The following PLPPR5 variants were observed in gnomAD, a reference collection of about 807,000 sequenced individuals.
PLPPR5 encodes the protein phospholipid phosphatase-related protein type 5.
A neutral mutation model predicts 33.9 loss-of-function variants in PLPPR5; 16 were observed. The ratio of observed to expected loss-of-function variants is 0.47; its 90% CI spans 0.32 to 0.72. The LOEUF is 0.72. Among genes scored for constraint, PLPPR5 ranks in the 30% least tolerant of loss-of-function variants. The pLI, the probability that PLPPR5 is intolerant of heterozygous loss-of-function variation, is 0.03. For synonymous variants in PLPPR5, 163 were observed against 150.3 expected (o/e 1.08, Z -0.62); for missense variants, 301 against 406.7 (o/e 0.74, Z 2.23).
intron 1 of PLPPR5, among the ~76,000 whole-genome samples, chr1:98,976,306 A>C (rs1191479601): frequency 6.6e-6 from 1 of 152,042 alleles, no homozygotes; most frequent in African/African-American, 2.4e-5. Context: ...AAATGTTCTA[A>C]TATTTTCACA....
chr1:98,895,520 TA>T (rs1365222312), intron 5 of PLPPR5, among the ~76,000 whole-genome samples: 11 of 152,030 alleles, frequency 7.2e-5, no homozygotes, highest in African/African-American at 2.7e-4. Context: ...TCTTGGCATT[TA>T]AAATCACATG....
intron 1 of PLPPR5, among the ~76,000 whole-genome samples, chr1:99,003,739 G>A (rs1652955383): frequency 6.6e-6 from 1 of 152,206 alleles, no homozygotes; most frequent in African/African-American, 2.4e-5. Flanking sequence ...GAGGTTCTAA[G>A]AGAAAAGGAC....
chr1:98,958,949 T>A (rs1651125260), intron 1 of PLPPR5, among the ~76,000 whole-genome samples: 2 of 152,186 alleles, frequency 1.3e-5, no homozygotes, highest in African/African-American at 4.8e-5. Context: ...CCCCAACCCA[T>A]GGTACACTGC....
intron 3 of PLPPR5, among the ~76,000 whole-genome samples, chr1:98,942,525 C>G (rs1393427208): frequency 6.6e-6 from 1 of 152,192 alleles, no homozygotes; most frequent in Non-Finnish European, 1.5e-5. Flanking sequence ...GTAAATTTCT[C>G]TAATCTCTAT....
At chr1:98,984,176 T>C (rs1324836111) in intron 1 of PLPPR5, among the ~76,000 whole-genome samples, 2 of 151,940 alleles carry the variant, frequency 1.3e-5, no homozygotes, top group East Asian at 3.9e-4. Flanking sequence ...ATAAGACTAT[T>C]ATGTTAGGAT....
intron 4 of PLPPR5, among the ~76,000 whole-genome samples, chr1:98,915,836 G>C (rs1216766923): frequency 6.6e-6 from 1 of 152,114 alleles, no homozygotes. Flanking sequence ...TCTAATGCAG[G>C]TGAATCATAT....
chr1:98,961,709 T>A (rs561002509), intron 1 of PLPPR5, among the ~76,000 whole-genome samples: 1 of 152,228 alleles, frequency 6.6e-6, no homozygotes, highest in African/African-American at 2.4e-5. Flanking sequence ...TTATGGCTAA[T>A]TTAATACCAG....
upstream of PLPPR5, among the ~76,000 whole-genome samples, chr1:99,005,306 G>T (rs1193747918): frequency 2.6e-5 from 4 of 152,136 alleles, no homozygotes; most frequent in Admixed American, 2.0e-4. Context: ...CCACCAAGGC[G>T]CAAAGTGCCG....
chr1:98,990,275 A>G (rs1652407074), intron 1 of PLPPR5, among the ~76,000 whole-genome samples: 1 of 152,130 alleles, frequency 6.6e-6, no homozygotes, highest in Non-Finnish European at 1.5e-5. Context: ...AGGCTGAGGC[A>G]GGAGAATCGC....
intron 1 of PLPPR5, among the ~76,000 whole-genome samples, chr1:98,984,157 C>T (rs1456014208): frequency 6.6e-6 from 1 of 151,898 alleles, no homozygotes; most frequent in African/African-American, 2.4e-5. Flanking sequence ...AGCAGCCTGG[C>T]AACAGAAAAT....
At chr1:98,955,375 G>C (rs1650965310) in intron 2 of PLPPR5, among the ~76,000 whole-genome samples, 1 of 152,040 alleles carries the variant, frequency 6.6e-6, no homozygotes, top group Non-Finnish European at 1.5e-5. Context: ...ATTTAGGAAA[G>C]CATCAATTTC....
intron 1 of PLPPR5, among the ~76,000 whole-genome samples, chr1:98,997,217 T>G (rs1460841850): frequency 6.6e-6 from 1 of 152,168 alleles, no homozygotes; most frequent in Admixed American, 6.6e-5. Flanking sequence ...AGGTATCAGG[T>G]TAAGTATTAT....
At position 98,891,740 on chromosome 1, in the gene PLPPR5, A is replaced by G. The variant is rs1050616693; in HGVS notation, c.*1332T>C. The G allele has an allele frequency of 1.3e-5, 2 of 152,112 alleles. No homozygotes were observed. Among genetic ancestry groups the G allele is most frequent in the African/African-American group, 4.8e-5 (2 of 41,430 alleles). 9.4% of individuals were successfully genotyped at this position (152,112 alleles called of 1,614,324 possible). On this transcript the variant is annotated 3_prime_UTR_variant, in exon 6 of 6. Transcript: ENST00000263177. ...AAAAGTGTTCATTCTTAAAACATAA[A>G]CATTTAAAATACAGCAGAGCTTTCA... is the stretch of plus-strand genomic sequence containing the variant.
At chr1:98,917,785 C>A (rs1459518901) in intron 4 of PLPPR5, among the ~76,000 whole-genome samples, 2 of 152,170 alleles carry the variant, frequency 1.3e-5, no homozygotes, top group East Asian at 3.9e-4. Context: ...TGAAATTAAA[C>A]ATCATTTAAA....
chr1:98,987,095 T>A (rs1652289354), intron 1 of PLPPR5, among the ~76,000 whole-genome samples: 1 of 151,884 alleles, frequency 6.6e-6, no homozygotes, highest in Non-Finnish European at 1.5e-5. Flanking sequence ...TACAGTGATA[T>A]GTAATATTGT....
intron 1 of PLPPR5, among the ~76,000 whole-genome samples, chr1:98,971,540 T>C (rs1368644561): frequency 6.6e-6 from 1 of 152,068 alleles, no homozygotes; most frequent in Non-Finnish European, 1.5e-5. Flanking sequence ...ACTTTTATAC[T>C]TGTAAGGCAA....
At position 98,912,647 on chromosome 1, in the gene PLPPR5, G is replaced by A. The variant is rs527297805; in HGVS notation, c.933+2139C>T. Among the ~76,000 whole-genome samples the A allele has an allele frequency of 2.5e-4, 38 of 152,210 alleles. 2 individuals are homozygous for A. In the South Asian group the frequency reaches 7.1e-3, roughly 28 times the overall value. Reference sequence around the variant, plus strand: ...AAGCTGGGAAATATAGATTGTAGCTGGGCAGTCATGAATATAGCTAAAATT... The same window carrying A: ...AAGCTGGGAAATATAGATTGTAGCTAGGCAGTCATGAATATAGCTAAAATT... On this transcript the variant is annotated intron_variant, in intron 5 of 5. Coordinates refer to ENST00000263177, the MANE Select transcript of PLPPR5 (RefSeq NM_001037317.2).
At chr1:98,906,535 G>A (rs985227627) in intron 5 of PLPPR5, among the ~76,000 whole-genome samples, 57 of 151,984 alleles carry the variant, frequency 3.8e-4, no homozygotes, top group South Asian at 2.1e-4. Context: ...GCAGAAACTC[G>A]TGACAGCTCT....
At chr1:98,979,761 G>A (rs1312725805) in intron 1 of PLPPR5, among the ~76,000 whole-genome samples, 1 of 152,084 alleles carries the variant, frequency 6.6e-6, no homozygotes, top group East Asian at 1.9e-4. Context: ...TCACCACCAT[G>A]TTCTATACTT....
Sources: gnomAD v4.1 joint callset for allele counts (sites outside exome capture counted in the v4.1 genomes callset) on GRCh38, gnomAD v4.1.1 for gene constraint, MANE v1.5 for transcripts, NCBI Gene and HGNC (gene_info 2026-07-23, HGNC 2026-07-21) for gene names.